Variants in GLRA1 observed in about 807,000 individuals in gnomAD.
GLRA1 encodes the protein glycine receptor subunit alpha-1.
Under a neutral mutation model 48.3 loss-of-function variants are expected in GLRA1, and 37 were observed. The ratio of observed to expected loss-of-function variants is 0.77; its 90% CI spans 0.59 to 1.01. The LOEUF (loss-of-function observed/expected upper bound fraction) is 1.01. Among genes scored for constraint, GLRA1 ranks in the 50% least tolerant of loss-of-function variants. The pLI, the probability that GLRA1 is intolerant of heterozygous loss-of-function variation, is 0.00. For synonymous variants in GLRA1, 196 were observed against 210.7 expected, an observed-to-expected ratio of 0.93 and a Z score of 0.60; for missense variants, 427 against 571.0, an observed-to-expected ratio of 0.75 and a Z score of 2.57.
At chr5:151,824,792 CT>C (rs1763229803) in intron 8 of GLRA1, among the ~76,000 whole-genome samples, 1 of 152,126 alleles carries the variant, frequency 6.6e-6, no homozygotes, top group African/African-American at 2.4e-5. Flanking sequence ...TAGCGTCTGT[CT>C]CTTACTAGAT....
intron 3 of GLRA1, 91 bp downstream of exon 3, chr5:151,886,630 A>T: frequency 1.0e-6 from 1 of 974,418 alleles, no homozygotes; most frequent in Non-Finnish European, 1.7e-6. Context: ...CTGATTCCCC[A>T]CTTCCTTGGT....
At chr5:151,892,734 C>T (rs1377967626) in intron 1 of GLRA1, among the ~76,000 whole-genome samples, 3 of 152,126 alleles carry the variant, frequency 2.0e-5, no homozygotes, top group African/African-American at 7.2e-5. Context: ...AGCTGGGTGT[C>T]CCTGGGAGAG....
chr5:151,906,729 T>C (rs1754481251), intron 1 of GLRA1, among the ~76,000 whole-genome samples: 1 of 152,222 alleles, frequency 6.6e-6, no homozygotes, highest in Non-Finnish European at 1.5e-5. Flanking sequence ...GTGTATCTAT[T>C]GTACAGATGA....
chr5:151,824,404 G>A (rs1181773752), intron 8 of GLRA1, among the ~76,000 whole-genome samples: 4 of 152,012 alleles, frequency 2.6e-5, no homozygotes, highest in Non-Finnish European at 5.9e-5. Flanking sequence ...GGCTGCCACT[G>A]ACTTCAGGTT....
At chr5:151,849,065 G>A (rs1302734397) in intron 7 of GLRA1, 3 of 421,432 alleles carry the variant, frequency 7.1e-6, no homozygotes, top group Admixed American at 3.3e-5. Context: ...GCCTGAGTGG[G>A]ATTTCTTTCT....
At chr5:151,908,399 T>G (rs1754527855) in intron 1 of GLRA1, among the ~76,000 whole-genome samples, 1 of 152,218 alleles carries the variant, frequency 6.6e-6, no homozygotes, top group Non-Finnish European at 1.5e-5. Flanking sequence ...CCCTCCTACA[T>G]TCTTTTTCCC....
At chr5:151,850,334 G>T in intron 7 of GLRA1, 1 of 1,530,394 alleles carries the variant, frequency 6.5e-7, no homozygotes, top group Non-Finnish European at 9.0e-7. Context: ...ATTTCTGGGT[G>T]GGCTGTTTCA....
chr5:151,919,057 C>A (rs1754809283), intron 1 of GLRA1, among the ~76,000 whole-genome samples: 1 of 152,162 alleles, frequency 6.6e-6, no homozygotes, highest in South Asian at 2.1e-4. Flanking sequence ...AAGGCTCTAA[C>A]AAATTGCATA....
intron 1 of GLRA1, among the ~76,000 whole-genome samples, chr5:151,904,590 G>A (rs1754434194): frequency 6.6e-6 from 1 of 152,160 alleles, no homozygotes; most frequent in Non-Finnish European, 1.5e-5. Context: ...CTGAAAAAGG[G>A]CATGCTCCAG....
At chr5:151,829,180 C>A in intron 7 of GLRA1, 113 bp from the exon 8 acceptor site, 1 of 1,004,346 alleles carries the variant, frequency 1.0e-6, no homozygotes, top group Admixed American at 1.9e-5. Flanking sequence ...CCACTGCTGT[C>A]TGCTTCTCAG....
intron 3 of GLRA1, among the ~76,000 whole-genome samples, chr5:151,864,931 G>C: frequency 6.6e-6 from 1 of 152,104 alleles, no homozygotes; most frequent in East Asian, 1.9e-4. Flanking sequence ...TTTATATCTG[G>C]AAAGACTGAG....
intron 4 of GLRA1, among the ~76,000 whole-genome samples, chr5:151,859,416 T>G (rs1352213635): frequency 6.6e-6 from 1 of 152,234 alleles, no homozygotes; most frequent in Non-Finnish European, 1.5e-5. Context: ...GCTCATTTAC[T>G]TTGAAGTTGC....
At chr5:151,879,743 C>G (rs1398535244) in intron 3 of GLRA1, among the ~76,000 whole-genome samples, 1 of 152,106 alleles carries the variant, frequency 6.6e-6, no homozygotes, top group Non-Finnish European at 1.5e-5. Flanking sequence ...TGAATTAGTG[C>G]TGAAATGAAT....
chr5:151,910,432 A>T (rs1754580526), intron 1 of GLRA1, among the ~76,000 whole-genome samples: 1 of 152,250 alleles, frequency 6.6e-6, no homozygotes, highest in Non-Finnish European at 1.5e-5. Flanking sequence ...AACAGTTTTC[A>T]GTCCATTTTT....
intron 1 of GLRA1, among the ~76,000 whole-genome samples, chr5:151,921,468 C>G (rs543914680): frequency 6.6e-6 from 1 of 152,188 alleles, no homozygotes; most frequent in Non-Finnish European, 1.5e-5. Flanking sequence ...ACCAGGGATG[C>G]GGCTAAACAT....
chr5:151,863,392 C>A (rs1753253161), intron 3 of GLRA1, among the ~76,000 whole-genome samples: 1 of 152,140 alleles, frequency 6.6e-6, no homozygotes, highest in Non-Finnish European at 1.5e-5. Context: ...CACTGCACTC[C>A]AGCCTGGGTG....
intron 5 of GLRA1, among the ~76,000 whole-genome samples, chr5:151,855,615 C>T (rs187978268): frequency 9.1e-4 from 139 of 152,314 alleles, no homozygotes; most frequent in Admixed American, 1.8e-3. Flanking sequence ...AGACTGTGCC[C>T]CAGCACTTCA....
intron 1 of GLRA1, among the ~76,000 whole-genome samples, chr5:151,897,096 T>C (rs2913883): frequency 0.81 from 123,487 of 152,092 alleles, 50,442 homozygotes; most frequent in East Asian, 0.91. Context: ...CTCACTGTGC[T>C]CTAGGCCAAA....
intron 3 of GLRA1, among the ~76,000 whole-genome samples, chr5:151,885,922 G>C (rs1285424767): frequency 6.6e-6 from 1 of 152,190 alleles, no homozygotes; most frequent in African/African-American, 2.4e-5. Context: ...ATGTAAGCCA[G>C]CCATGATGGA....
Sources: gnomAD v4.1 joint callset for allele counts (sites outside exome capture counted in the v4.1 genomes callset) on GRCh38, gnomAD v4.1.1 for gene constraint, MANE v1.5 for transcripts, NCBI Gene and HGNC (gene_info 2026-07-23, HGNC 2026-07-21) for gene names.